DCLK1: variants seen among roughly 807,000 people sequenced by gnomAD.
DCLK1 encodes serine/threonine-protein kinase DCLK1.
Under a neutral mutation model 86.2 loss-of-function variants are expected in DCLK1, and 16 were observed. The ratio of observed to expected loss-of-function variants is 0.19; its 90% CI spans 0.13 to 0.28. DCLK1 has a LOEUF of 0.28. DCLK1 is among the 10% of genes least tolerant of loss of function. The probability of loss-of-function intolerance (pLI) is 1.00; values close to 1 mark genes in which losing one functional copy is unlikely to be tolerated. For missense variants in DCLK1, 590 were observed against 940.2 expected (o/e 0.63, Z 4.87); for synonymous variants, 369 against 370.5 (o/e 1.00, Z 0.05).
rs1042529263 is a variant in DCLK1 at position 36,128,158 on chromosome 13, T to C, written c.-19-2002A>G. ...ACACCTGAAAGCATGACTAGAGATT[T>C]GGTACTCCAGAAATGAAGTGAAAGA... On this transcript the variant is annotated intron_variant, in intron 1 of 16. Transcript: ENST00000360631. Among the ~76,000 whole-genome samples, 22 of 152,280 alleles carry C rather than the reference T, an allele frequency of 1.4e-4. No homozygotes were observed. The East Asian group carries it at 4.1e-3, about 28-fold the overall frequency.
intron 3 of DCLK1, among the ~76,000 whole-genome samples, chr13:36,054,901 A>C (rs972209081): frequency 1.3e-5 from 2 of 152,186 alleles, no homozygotes; most frequent in Non-Finnish European, 2.9e-5. Flanking sequence ...CCACTACATA[A>C]AAAGTAGTGC....
At chr13:36,081,827 C>T (rs1884431138) in intron 3 of DCLK1, among the ~76,000 whole-genome samples, 1 of 152,164 alleles carries the variant, frequency 6.6e-6, no homozygotes, top group Non-Finnish European at 1.5e-5. Flanking sequence ...ATTTACACAG[C>T]CATTCTTTAG....
At chr13:35,940,696 T>C (rs1049277000) in intron 4 of DCLK1, among the ~76,000 whole-genome samples, 3 of 152,180 alleles carry the variant, frequency 2.0e-5, no homozygotes, top group African/African-American at 7.2e-5. Context: ...TTTAGTTTAA[T>C]CTTCTAGAGA....
intron 4 of DCLK1, among the ~76,000 whole-genome samples, chr13:35,907,772 T>A (rs1292401559): frequency 6.6e-6 from 1 of 150,974 alleles, no homozygotes; most frequent in Admixed American, 6.6e-5. Context: ...TAAGCATGGG[T>A]TAAACAGTCT....
chr13:36,126,042 G>A lies in DCLK1; in HGVS notation c.96C>T (p.Ser32=), dbSNP rs200714460. 3.7e-4 allele frequency: 597 copies of A among 1,613,626 alleles called. 1 individual carries two copies. Among genetic ancestry groups the A allele is most frequent in the Middle Eastern group, 2.3e-3 (14 of 6,058 alleles). ...AGCTGCAGTGGGCGCTGTGCGTCGGGCTCGGCAGGCCGTTCACCCGCGACC... is the reference window on the plus strand; with the variant it reads ...AGCTGCAGTGGGCGCTGTGCGTCGGACTCGGCAGGCCGTTCACCCGCGACC... The part of the protein sequence containing the change: ...SRGSRVNGLP[S]PTHSAHCSFY... The change falls in exon 2 of 17, where the codon AGC becomes AGT. Residue 32 remains serine (S), a synonymous_variant. Coordinates refer to ENST00000360631, the MANE Select transcript of DCLK1 (RefSeq NM_001330071.2).
chr13:35,930,465 G>C (rs1164734222), intron 4 of DCLK1, among the ~76,000 whole-genome samples: 4 of 152,158 alleles, frequency 2.6e-5, no homozygotes, highest in Non-Finnish European at 5.9e-5. Context: ...GCCAGGCATG[G>C]TGGTGCACAC....
At chr13:35,833,131 G>A (rs369798156) in intron 8 of DCLK1, among the ~76,000 whole-genome samples, 25 of 152,068 alleles carry the variant, frequency 1.6e-4, no homozygotes, top group Admixed American at 7.9e-4. Flanking sequence ...TATAGGTGCC[G>A]GTGGGAGAGA....
chr13:36,005,710 A>G (rs1380203969), intron 3 of DCLK1, among the ~76,000 whole-genome samples: 1 of 152,166 alleles, frequency 6.6e-6, no homozygotes, highest in East Asian at 1.9e-4. Flanking sequence ...TGGAGTTGGT[A>G]AAGAAAGTTG....
At chr13:35,841,052 A>G (rs1448331730) in intron 6 of DCLK1, among the ~76,000 whole-genome samples, 1 of 152,190 alleles carries the variant, frequency 6.6e-6, no homozygotes, top group African/African-American at 2.4e-5. Flanking sequence ...AATGTCTACA[A>G]TGTAGACCTT....
chr13:36,084,707 C>T (rs758521913), intron 3 of DCLK1, among the ~76,000 whole-genome samples: 1 of 152,050 alleles, frequency 6.6e-6, no homozygotes, highest in Non-Finnish European at 1.5e-5. Flanking sequence ...ACAAGGGATC[C>T]GTATGTCACA....
intron 5 of DCLK1, chr13:35,855,963 A>G (rs1349681184): frequency 1.8e-6 from 1 of 567,588 alleles, no homozygotes; most frequent in African/African-American, 2.0e-5. Context: ...CCCTCACACA[A>G]TTCAGTGGCA....
At chr13:35,919,455 A>G (rs189857384) in intron 4 of DCLK1, among the ~76,000 whole-genome samples, 2 of 152,280 alleles carry the variant, frequency 1.3e-5, no homozygotes, top group African/African-American at 4.8e-5. Flanking sequence ...AATCTTATGC[A>G]GAGCCCAAAT....
chr13:35,920,163 T>C (rs2153126705), intron 4 of DCLK1, among the ~76,000 whole-genome samples: 1 of 152,304 alleles, frequency 6.6e-6, no homozygotes, highest in South Asian at 2.1e-4. Flanking sequence ...TATATGGACA[T>C]CTCTCTACTC....
intron 16 of DCLK1, among the ~76,000 whole-genome samples, chr13:35,779,317 G>A (rs1195526565): frequency 6.6e-6 from 1 of 152,096 alleles, no homozygotes; most frequent in Non-Finnish European, 1.5e-5. Flanking sequence ...TTTACCACCT[G>A]TACCATATAT....
At chr13:36,111,241 C>A (rs537997949) in intron 3 of DCLK1, among the ~76,000 whole-genome samples, 3 of 152,106 alleles carry the variant, frequency 2.0e-5, no homozygotes, top group African/African-American at 7.2e-5. Flanking sequence ...GTTCATCTGA[C>A]CAACTCACAT....
intron 5 of DCLK1, among the ~76,000 whole-genome samples, chr13:35,867,038 G>C (rs965956974): frequency 7.2e-5 from 11 of 152,130 alleles, no homozygotes; most frequent in African/African-American, 2.4e-4. Flanking sequence ...CTCTGGGCCC[G>C]GTTCCAGGGA....
intron 3 of DCLK1, among the ~76,000 whole-genome samples, chr13:36,024,225 G>T (rs1423620309): frequency 1.3e-5 from 2 of 152,042 alleles, no homozygotes; most frequent in African/African-American, 4.8e-5. Context: ...GTGTTGGATT[G>T]CAGGTTCTAG....
intron 8 of DCLK1, among the ~76,000 whole-genome samples, chr13:35,831,407 T>A (rs1012034853): frequency 6.6e-6 from 1 of 152,172 alleles, no homozygotes; most frequent in Non-Finnish European, 1.5e-5. Context: ...GTCATAAGAA[T>A]AAGAATATAA....
intron 4 of DCLK1, among the ~76,000 whole-genome samples, chr13:35,907,335 A>AT (rs957583921): frequency 1.3e-5 from 2 of 151,556 alleles, no homozygotes; most frequent in African/African-American, 4.9e-5. Flanking sequence ...GCTAATTTAA[A>AT]TTTTTTTTGT....
Sources: allele counts gnomAD v4.1 joint callset (sites outside exome capture counted in the v4.1 genomes callset), GRCh38; gene constraint gnomAD v4.1.1; transcripts MANE v1.5; gene names NCBI Gene and HGNC (gene_info 2026-07-23, HGNC 2026-07-21).